EPHB1: variants seen among roughly 807,000 people sequenced by gnomAD.
The protein encoded by EPHB1 is ephrin type-B receptor 1.
Under a neutral mutation model 94.4 loss-of-function variants are expected in EPHB1, and 30 were observed. The ratio of observed to expected loss-of-function variants is 0.32; its 90% confidence interval spans 0.24 to 0.43. The LOEUF (loss-of-function observed/expected upper bound fraction) is 0.43, where lower values mean the gene tolerates loss of function less well. Ranked by LOEUF, EPHB1 falls within the 20% of genes least tolerant of loss-of-function variation. The probability of loss-of-function intolerance (pLI) is 1.00; values close to 1 mark genes in which losing one functional copy is unlikely to be tolerated. For synonymous variants in EPHB1, 522 were observed against 489.1 expected, an observed-to-expected ratio of 1.07 and a Z score of -0.89; for missense variants, 1,055 against 1,308.3, an observed-to-expected ratio of 0.81 and a Z score of 2.99.
chr3:134,996,517 A>G (rs1193526085), intron 3 of EPHB1, among the ~76,000 whole-genome samples: 1 of 152,202 alleles, frequency 6.6e-6, no homozygotes, highest in East Asian at 1.9e-4. Flanking sequence ...GATAAATCCA[A>G]CACGTAGAAG....
intron 3 of EPHB1, among the ~76,000 whole-genome samples, chr3:135,071,962 C>A (rs1937731427): frequency 6.6e-6 from 1 of 152,206 alleles, no homozygotes; most frequent in Non-Finnish European, 1.5e-5. Context: ...TTTGCCAGCC[C>A]TGCCCCCAGT....
intron 2 of EPHB1, among the ~76,000 whole-genome samples, chr3:134,932,236 C>T (rs2038920038): frequency 6.6e-6 from 1 of 152,188 alleles, no homozygotes; most frequent in Admixed American, 6.5e-5. Context: ...ATACGAGCTA[C>T]ATGCCCATGA....
intron 3 of EPHB1, among the ~76,000 whole-genome samples, chr3:135,009,277 G>A (rs962816735): frequency 6.6e-6 from 1 of 152,182 alleles, no homozygotes; most frequent in Non-Finnish European, 1.5e-5. Flanking sequence ...GAGGAGGACA[G>A]GGCCTGGGCT....
At chr3:134,902,672 T>G (rs2038227334) in intron 1 of EPHB1, among the ~76,000 whole-genome samples, 1 of 152,224 alleles carries the variant, frequency 6.6e-6, no homozygotes, top group Non-Finnish European at 1.5e-5. Flanking sequence ...TAACTGTATT[T>G]CATATAGCCT....
chr3:135,091,633 G>T (rs1463912554), intron 3 of EPHB1, among the ~76,000 whole-genome samples: 1 of 152,212 alleles, frequency 6.6e-6, no homozygotes, highest in Non-Finnish European at 1.5e-5. Context: ...GGGTGAGGAA[G>T]CCTGGAAAGG....
intron 3 of EPHB1, among the ~76,000 whole-genome samples, chr3:135,040,873 G>A (rs1327725727): frequency 1.3e-5 from 2 of 152,156 alleles, no homozygotes; most frequent in South Asian, 4.1e-4. Context: ...GGAGAAATCC[G>A]CCTGAATCCT....
chr3:134,882,926 G>A (rs2037787584), intron 1 of EPHB1, among the ~76,000 whole-genome samples: 3 of 151,766 alleles, frequency 2.0e-5, no homozygotes, highest in South Asian at 2.1e-4. Context: ...GAGTTCAAGC[G>A]ATTCTCCTGC....
rs1175635722 is a variant in EPHB1, at chr3:135,104,028, G to A, written c.806-2420G>A. Among the ~76,000 whole-genome samples, 3 of 152,228 alleles carry A rather than the reference G, an allele frequency of 2.0e-5. No individual in the cohort carries two copies. The South Asian group carries it at 6.2e-4, about 32-fold the overall frequency. ...GCTGGAAAGAAAGGGAAAACACCTT[G>A]TTCTTGTTGGACTGGTACATTAAGA... On this transcript the variant is annotated intron_variant, in intron 3 of 15. Transcript: ENST00000398015.
chr3:134,952,925 A>G (rs1469706651), intron 3 of EPHB1, among the ~76,000 whole-genome samples: 4 of 152,154 alleles, frequency 2.6e-5, no homozygotes, highest in African/African-American at 9.6e-5. Context: ...ACGTGGGGGA[A>G]TCCAGGGTTG....
chr3:134,871,048 G>A (rs1578155920), intron 1 of EPHB1, among the ~76,000 whole-genome samples: 6 of 152,128 alleles, frequency 3.9e-5, no homozygotes, highest in Admixed American at 3.9e-4. Context: ...TTTACCATGG[G>A]TTACTACACA....
intron 3 of EPHB1, among the ~76,000 whole-genome samples, chr3:135,106,084 G>A (rs955589341): frequency 3.3e-5 from 5 of 152,160 alleles, no homozygotes; most frequent in Admixed American, 1.3e-4. Context: ...GAAAGGCCAT[G>A]GATGTTAACC....
At chr3:134,936,386 T>C (rs1232617600) in intron 2 of EPHB1, among the ~76,000 whole-genome samples, 1 of 151,948 alleles carries the variant, frequency 6.6e-6, no homozygotes, top group Non-Finnish European at 1.5e-5. Flanking sequence ...AGAATACAGG[T>C]GGTCCCTGTG....
intron 3 of EPHB1, among the ~76,000 whole-genome samples, chr3:135,080,261 A>G (rs1938117506): frequency 6.6e-6 from 1 of 152,202 alleles, no homozygotes; most frequent in South Asian, 2.1e-4. Flanking sequence ...TGGGCTCAGA[A>G]TGAGGCTTCA....
In EPHB1 at chr3:134,857,638, G is replaced by A. The variant is rs138158895; in HGVS notation, c.58+61949G>A. ...TCACGGGAATAGAAACAAAGACTTC[G>A]TCCACCCCAGGACCATTCTGGGAGG... On this transcript the variant is annotated intron_variant, in intron 1 of 15. Transcript: ENST00000398015. 5.5e-4 allele frequency among the ~76,000 whole-genome samples: 84 copies of A among 152,154 alleles called. No homozygotes were observed. In the East Asian group the frequency reaches 0.014, roughly 26 times the overall value.
At chr3:135,222,911 G>T (rs946881847) in intron 12 of EPHB1, among the ~76,000 whole-genome samples, 1 of 152,114 alleles carries the variant, frequency 6.6e-6, no homozygotes, top group African/African-American at 2.4e-5. Context: ...ATGTTGAATG[G>T]TCTCCTCCAA....
chr3:135,254,691 T>C (rs1933293610), intron 15 of EPHB1, among the ~76,000 whole-genome samples: 1 of 152,076 alleles, frequency 6.6e-6, no homozygotes, highest in Admixed American at 6.6e-5. Context: ...TTTGTGTGTG[T>C]CTCTGCCTGG....
intron 12 of EPHB1, among the ~76,000 whole-genome samples, chr3:135,225,317 A>G (rs1943368016): frequency 6.6e-6 from 1 of 152,222 alleles, no homozygotes; most frequent in Non-Finnish European, 1.5e-5. Flanking sequence ...TCCAGGGTCA[A>G]CAAGGCCCGA....
At position 135,232,615 on chromosome 3, in the gene EPHB1, GCT is replaced by G. The variant is rs1350537394; in HGVS notation, c.2347-8532_2347-8531del. Among the ~76,000 whole-genome samples, 4 of 83,654 alleles carry G rather than the reference GCT, an allele frequency of 4.8e-5. No homozygotes were observed. The East Asian group carries it at 1.0e-3, about 22-fold the overall frequency. 54.9% of individuals were successfully genotyped at this position (83,654 alleles called of 152,430 possible). A position where few individuals can be genotyped will look rare whatever the true frequency, so the allele number is the denominator to read the frequency against. On this transcript the variant is annotated intron_variant, in intron 12 of 15. Coordinates refer to ENST00000398015, the MANE Select transcript of EPHB1 (RefSeq NM_004441.5). ...GAAACATTAATGAGGCCAATTTGCT[GCT>G]TTTTTTCCTTTTTCATCATTTTAAG...
intron 3 of EPHB1, among the ~76,000 whole-genome samples, chr3:135,029,737 A>G (rs146183540): frequency 0.25 from 36,877 of 150,254 alleles, 6,073 homozygotes; most frequent in East Asian, 0.71. Context: ...TCTTTGTGGC[A>G]TTCTCTGTAT....
Sources: gnomAD v4.1 joint callset for allele counts (sites outside exome capture counted in the v4.1 genomes callset) on GRCh38, gnomAD v4.1.1 for gene constraint, MANE v1.5 for transcripts, NCBI Gene and HGNC (gene_info 2026-07-23, HGNC 2026-07-21) for gene names.